Variants in DMD observed in about 807,000 individuals in gnomAD.
The protein encoded by DMD is dystrophin.
In DMD, 63 loss-of-function variants were observed where a neutral mutation model predicts 330.1. The observed-to-expected ratio is 0.19, with a 90% confidence interval of 0.16 to 0.24. DMD has a LOEUF of 0.24. DMD is among the 10% of genes least tolerant of loss of function. The probability of loss-of-function intolerance (pLI) is 1.00; values close to 1 mark genes in which losing one functional copy is unlikely to be tolerated. For synonymous variants in DMD, 1,223 were observed against 959.8 expected, an observed-to-expected ratio of 1.27 and a Z score of -5.07; for missense variants, 3,344 against 2,684.1, an observed-to-expected ratio of 1.25 and a Z score of -5.43.
chrX:32,722,544 G>T (rs1038067135), intron 7 of DMD, among the ~76,000 whole-genome samples: 1 of 110,067 alleles, frequency 9.1e-6, no homozygotes, highest in African/African-American at 3.3e-5. Flanking sequence ...TATCCATTTG[G>T]GTAGTATGGA....
rs1375655091 is a variant in DMD, at chrX:33,277,778, C to T, written c.7+61481G>A. On this transcript the variant is annotated intron_variant, in intron 1 of 17. Coordinates refer to the DMD transcript ENST00000288447. Reference sequence around the variant, plus strand: ...AGGAGTTCACAAGCGGGCAACCACTCATCTATTTGCCATAATAATGTTACT... The same window carrying T: ...AGGAGTTCACAAGCGGGCAACCACTTATCTATTTGCCATAATAATGTTACT... 4.5e-5 allele frequency among the ~76,000 whole-genome samples: 5 copies of T among 111,277 alleles called. No individual in the cohort carries two copies. The East Asian group carries it at 1.4e-3, about 32-fold the overall frequency.
chrX:31,139,500 C>CAT (rs2035769823), intron 76 of DMD, among the ~76,000 whole-genome samples: 1 of 109,280 alleles, frequency 9.2e-6, no homozygotes, highest in African/African-American at 3.4e-5. Context: ...CACACACACA[C>CAT]ACACACACGC....
chrX:32,623,943 T>C (rs2058172716), intron 11 of DMD, among the ~76,000 whole-genome samples: 1 of 112,206 alleles, frequency 8.9e-6, no homozygotes, highest in African/African-American at 3.2e-5. Flanking sequence ...ATTTTATTTT[T>C]TTCATGGGCA....
intron 65 of DMD, among the ~76,000 whole-genome samples, chrX:31,207,348 T>G (rs943877596): frequency 9.5e-6 from 1 of 105,694 alleles, no homozygotes; most frequent in Non-Finnish European, 2.0e-5. Context: ...ATTTTCTATA[T>G]TTGCATATAG....
intron 7 of DMD, among the ~76,000 whole-genome samples, chrX:32,717,233 G>A (rs946368600): frequency 9.0e-6 from 1 of 111,453 alleles, no homozygotes; most frequent in Non-Finnish European, 1.9e-5. Flanking sequence ...CCTATCACAG[G>A]TCTGGAGGTC....
At chrX:32,940,873 G>A (rs759390045) in intron 2 of DMD, among the ~76,000 whole-genome samples, 96 of 111,033 alleles carry the variant, frequency 8.6e-4, no homozygotes, top group Non-Finnish European at 1.4e-3. Flanking sequence ...GACAACCTAC[G>A]GAACGGGAGA....
intron 1 of DMD, among the ~76,000 whole-genome samples, chrX:33,160,504 A>T (rs1234996888): frequency 8.9e-6 from 1 of 112,060 alleles, no homozygotes; most frequent in Non-Finnish European, 1.9e-5. Context: ...ATGCCTGGGC[A>T]TGCAAAAATA....
intron 7 of DMD, among the ~76,000 whole-genome samples, chrX:32,795,315 A>G (rs1311428039): frequency 8.9e-6 from 1 of 112,238 alleles, no homozygotes; most frequent in Non-Finnish European, 1.9e-5. Flanking sequence ...AATTAAATCC[A>G]TGTATTTACA....
At position 31,284,989 on chromosome X, in the gene DMD, G is replaced by C. The variant is rs912006715; in HGVS notation, c.9225-23973C>G. Reference sequence around the variant, plus strand: ...ATTTATCACACATCGTGTAGACCGAGATTTTCGATATTAAAACATTCAGTC... The same window carrying C: ...ATTTATCACACATCGTGTAGACCGACATTTTCGATATTAAAACATTCAGTC... On this transcript the variant is annotated intron_variant, in intron 62 of 78. Coordinates refer to ENST00000357033, the MANE Select transcript of DMD (RefSeq NM_004006.3). Among the ~76,000 whole-genome samples the C allele has an allele frequency of 5.4e-5, 6 of 110,291 alleles. No individual in the cohort carries two copies. The East Asian group carries it at 1.7e-3, about 31-fold the overall frequency.
intron 18 of DMD, among the ~76,000 whole-genome samples, chrX:32,512,428 T>A (rs1476353123): frequency 8.9e-6 from 1 of 112,261 alleles, no homozygotes; most frequent in African/African-American, 3.2e-5. Flanking sequence ...TGGTAATAGA[T>A]CCTATCTTAA....
At chrX:31,680,366 T>C (rs1197941747) in intron 52 of DMD, among the ~76,000 whole-genome samples, 1 of 110,111 alleles carries the variant, frequency 9.1e-6, no homozygotes, top group Non-Finnish European at 1.9e-5. Context: ...AGAAACTTCT[T>C]CTTTTTCTTT....
At chrX:32,439,241 A>G (rs1467962754) in intron 28 of DMD, among the ~76,000 whole-genome samples, 1 of 111,668 alleles carries the variant, frequency 9.0e-6, no homozygotes, top group East Asian at 2.8e-4. Flanking sequence ...CTTCCAATAC[A>G]TATTTGTAAT....
chrX:31,721,714 CTCTCTATATA>C (rs1309849479), intron 52 of DMD, among the ~76,000 whole-genome samples: 318 of 60,625 alleles, frequency 5.2e-3, no homozygotes, highest in South Asian at 0.012. Flanking sequence ...CTCTCTCTCT[CTCTCTATATA>C]TATATATATA....
chrX:32,164,171 G>A (rs1241028029), intron 44 of DMD, among the ~76,000 whole-genome samples: 1 of 111,450 alleles, frequency 9.0e-6, no homozygotes, highest in African/African-American at 3.3e-5. Context: ...CAGGAGTTAA[G>A]ACCAGTGGTA....
At chrX:31,471,325 G>A (rs1168575065) in intron 59 of DMD, among the ~76,000 whole-genome samples, 14 of 112,158 alleles carry the variant, frequency 1.2e-4, no homozygotes, top group Non-Finnish European at 1.9e-5. Flanking sequence ...CGGAGGCTGT[G>A]GGAAAAGCAT....
chrX:31,895,435 G>C (rs1306765123), intron 47 of DMD, among the ~76,000 whole-genome samples: 2 of 111,409 alleles, frequency 1.8e-5, no homozygotes, highest in Non-Finnish European at 3.8e-5. Flanking sequence ...TTTTGTTGTA[G>C]TATTTGGGAC....
intron 29 of DMD, among the ~76,000 whole-genome samples, chrX:32,414,843 T>A (rs975623402): frequency 8.9e-6 from 1 of 112,107 alleles, no homozygotes; most frequent in Non-Finnish European, 1.9e-5. Flanking sequence ...CCAAGATTGG[T>A]GACCGAGGCT....
chrX:32,206,373 G>A lies in DMD; in HGVS notation c.6438+10543C>T, dbSNP rs1414225895. The A allele has an allele frequency of 5.9e-6, 3 of 505,816 alleles. No homozygotes were observed. In the Admixed American group the frequency reaches 7.0e-5, roughly 12 times the overall value. 41.7% of individuals were successfully genotyped at this position (505,816 alleles called of 1,213,427 possible). On this transcript the variant is annotated intron_variant, in intron 44 of 78. Coordinates refer to ENST00000357033, the MANE Select transcript of DMD (RefSeq NM_004006.3). ...AAAAGTAAAACTTGCTGCTGATGAA[G>A]ATGATGATTTTGATGATGATGATGA...
chrX:31,273,720 C>G (rs1206636557), intron 62 of DMD, among the ~76,000 whole-genome samples: 1 of 110,260 alleles, frequency 9.1e-6, no homozygotes. Flanking sequence ...CACGCTTTAT[C>G]AAAAGCAGCT....
Sources: allele counts gnomAD v4.1 joint callset (sites outside exome capture counted in the v4.1 genomes callset), GRCh38; gene constraint gnomAD v4.1.1; transcripts MANE v1.5; gene names NCBI Gene and HGNC (gene_info 2026-07-23, HGNC 2026-07-21).